ZNF385B: variants seen among roughly 807,000 people sequenced by gnomAD.
The protein encoded by ZNF385B is zinc finger protein 385B.
ZNF385B carries 23 observed loss-of-function variants against 39.2 expected under a neutral mutation model. The ratio of observed to expected loss-of-function variants is 0.59; its 90% CI spans 0.42 to 0.83. The LOEUF is 0.83. ZNF385B is among the 40% of genes least tolerant of loss of function. The pLI is 0.00. For missense variants in ZNF385B, 552 were observed against 598.9 expected (o/e 0.92, Z 0.82); for synonymous variants, 205 against 222.6 (o/e 0.92, Z 0.70).
At chr2:179,832,154 T>G (rs1708021224) in intron 1 of ZNF385B, among the ~76,000 whole-genome samples, 1 of 152,216 alleles carries the variant, frequency 6.6e-6, no homozygotes, top group African/African-American at 2.4e-5. Flanking sequence ...TGGACAAGTC[T>G]GGCCTTTTGC....
At chr2:179,545,796 G>A (rs1307445013) in intron 3 of ZNF385B, among the ~76,000 whole-genome samples, 2 of 151,598 alleles carry the variant, frequency 1.3e-5, no homozygotes, top group Admixed American at 6.6e-5. Flanking sequence ...CATTTATGAG[G>A]CACACAAGAT....
intron 3 of ZNF385B, among the ~76,000 whole-genome samples, chr2:179,554,151 G>A (rs1427195871): frequency 6.7e-6 from 1 of 149,104 alleles, no homozygotes; most frequent in East Asian, 1.9e-4. Flanking sequence ...ATAAGCTTCA[G>A]TTACTGTGGT....
chr2:179,718,790 G>A (rs558855201), intron 3 of ZNF385B, among the ~76,000 whole-genome samples: 41 of 149,730 alleles, frequency 2.7e-4, no homozygotes, highest in African/African-American at 9.0e-4. Flanking sequence ...CTAGGAGTTC[G>A]AGAACAGCCT....
At chr2:179,659,531 T>C (rs1694220534) in intron 3 of ZNF385B, among the ~76,000 whole-genome samples, 1 of 151,922 alleles carries the variant, frequency 6.6e-6, no homozygotes, top group Admixed American at 6.5e-5. Flanking sequence ...ATATTTTATA[T>C]TGTATAATAT....
intron 1 of ZNF385B, chr2:179,796,135 A>C (rs1409890980): frequency 6.6e-6 from 1 of 152,172 alleles, no homozygotes; most frequent in Non-Finnish European, 1.5e-5. Context: ...AATTTATAGC[A>C]AGCAGCAGCA....
Position 179,770,112 on chromosome 2 carries a change from C to A in ZNF385B, c.-2-310G>T, listed in dbSNP as rs1256645817. 3.3e-5 allele frequency among the ~76,000 whole-genome samples: 5 copies of A among 152,238 alleles called. No individual in the cohort carries two copies. In the East Asian group the frequency reaches 9.6e-4, roughly 29 times the overall value. ...TAACTTCCCACCCATGAGATCTCAG[C>A]TGGCAAATTACCTTCCTCATGAAAC... On this transcript the variant is annotated intron_variant, in intron 2 of 9. Transcript: ENST00000410066.
intron 3 of ZNF385B, among the ~76,000 whole-genome samples, chr2:179,604,534 T>C (rs1015144209): frequency 2.6e-5 from 4 of 152,034 alleles, no homozygotes; most frequent in Non-Finnish European, 5.9e-5. Context: ...TTTAAAAATA[T>C]TTATGTTGGT....
At chr2:179,706,464 C>T (rs1330978055) in intron 3 of ZNF385B, among the ~76,000 whole-genome samples, 3 of 152,082 alleles carry the variant, frequency 2.0e-5, no homozygotes, top group African/African-American at 7.2e-5. Flanking sequence ...AAAGAAAATC[C>T]TATGAGCATC....
At chr2:179,654,865 G>A (rs370322800) in intron 3 of ZNF385B, among the ~76,000 whole-genome samples, 7 of 152,260 alleles carry the variant, frequency 4.6e-5, no homozygotes, top group Middle Eastern at 3.4e-3. Flanking sequence ...TTTAGTATGC[G>A]TGTATTCTTA....
chr2:179,602,590 C>T (rs1688494932), intron 3 of ZNF385B, among the ~76,000 whole-genome samples: 1 of 152,042 alleles, frequency 6.6e-6, no homozygotes, highest in Non-Finnish European at 1.5e-5. Flanking sequence ...TTAAACTACG[C>T]AAGGGTTTGT....
intron 3 of ZNF385B, among the ~76,000 whole-genome samples, chr2:179,664,254 T>G (rs1397746252): frequency 6.6e-6 from 1 of 152,158 alleles, no homozygotes; most frequent in Non-Finnish European, 1.5e-5. Context: ...AATTATCCAT[T>G]AATATTTCAT....
intron 1 of ZNF385B, among the ~76,000 whole-genome samples, chr2:179,794,552 C>T (rs1288271991): frequency 6.6e-6 from 1 of 152,036 alleles, no homozygotes; most frequent in East Asian, 1.9e-4. Flanking sequence ...CGTTTTCTTC[C>T]CCCAAAGGAC....
chr2:179,808,239 A>C (rs555825705), intron 1 of ZNF385B, among the ~76,000 whole-genome samples: 1 of 152,080 alleles, frequency 6.6e-6, no homozygotes, highest in Non-Finnish European at 1.5e-5. Context: ...TCACCGTGTT[A>C]GCCAGGATGG....
At chr2:179,813,687 A>G (rs1706877796) in intron 1 of ZNF385B, among the ~76,000 whole-genome samples, 1 of 152,220 alleles carries the variant, frequency 6.6e-6, no homozygotes, top group Non-Finnish European at 1.5e-5. Context: ...CCAATTAGCA[A>G]GGACTGTCTC....
intron 3 of ZNF385B, among the ~76,000 whole-genome samples, chr2:179,734,944 G>A (rs2106436937): frequency 6.6e-6 from 1 of 152,044 alleles, no homozygotes; most frequent in East Asian, 1.9e-4. Context: ...GAAAACCTAG[G>A]CATTACCATT....
intron 6 of ZNF385B, among the ~76,000 whole-genome samples, chr2:179,470,374 C>T (rs1046937063): frequency 6.6e-6 from 1 of 152,148 alleles, no homozygotes; most frequent in Non-Finnish European, 1.5e-5. Flanking sequence ...AAATGTTAAT[C>T]CACTTCCTCC....
intron 3 of ZNF385B, among the ~76,000 whole-genome samples, chr2:179,753,100 T>C (rs183869937): frequency 4.6e-5 from 7 of 152,228 alleles, no homozygotes; most frequent in Non-Finnish European, 7.3e-5. Flanking sequence ...TATCTTGAAT[T>C]AATTTTTGTA....
At chr2:179,716,380 C>T (rs960691162) in intron 3 of ZNF385B, among the ~76,000 whole-genome samples, 1 of 152,066 alleles carries the variant, frequency 6.6e-6, no homozygotes. Flanking sequence ...TGTGTAATCC[C>T]TGACCTATTT....
At chr2:179,798,004 A>AT (rs936015214) in intron 1 of ZNF385B, among the ~76,000 whole-genome samples, 33 of 151,798 alleles carry the variant, frequency 2.2e-4, no homozygotes, top group African/African-American at 3.4e-4. Flanking sequence ...AAAATGCTTC[A>AT]TTTTTTTTCC....
Sources: gnomAD v4.1 joint callset for allele counts (sites outside exome capture counted in the v4.1 genomes callset) on GRCh38, gnomAD v4.1.1 for gene constraint, MANE v1.5 for transcripts, NCBI Gene and HGNC (gene_info 2026-07-23, HGNC 2026-07-21) for gene names.